Variants in NRXN3 observed in about 807,000 individuals in gnomAD.
The protein encoded by NRXN3 is neurexin 3.
In NRXN3, 32 loss-of-function variants were observed where a neutral mutation model predicts 137.6. The ratio of observed to expected loss-of-function variants is 0.23; its 90% CI spans 0.18 to 0.31. NRXN3 has a LOEUF of 0.31. Among genes scored for constraint, NRXN3 ranks in the 10% least tolerant of loss-of-function variants. The pLI, the probability that NRXN3 is intolerant of heterozygous loss-of-function variation, is 1.00. For synonymous variants in NRXN3, 798 were observed against 784.5 expected (o/e 1.02, Z -0.29); for missense variants, 1,574 against 2,062.5 (o/e 0.76, Z 4.59).
chr14:79,808,319 A>G (rs1250471901), intron 20 of NRXN3, among the ~76,000 whole-genome samples: 1 of 150,982 alleles, frequency 6.6e-6, no homozygotes, highest in Non-Finnish European at 1.5e-5. Flanking sequence ...TTTTCCAAAA[A>G]CAATACAGAT....
chr14:78,371,159 A>G (rs141399872), intron 4 of NRXN3, among the ~76,000 whole-genome samples: 167 of 152,138 alleles, frequency 1.1e-3, no homozygotes, highest in African/African-American at 4.0e-3. Flanking sequence ...CCCAAATGCT[A>G]CCTTTTTGGC....
intron 10 of NRXN3, among the ~76,000 whole-genome samples, chr14:78,841,928 C>A (rs113106675): frequency 6.6e-6 from 1 of 152,080 alleles, no homozygotes; most frequent in African/African-American, 2.4e-5. Flanking sequence ...ATAATGATAG[C>A]ACCCATCTTT....
chr14:79,510,751 A>G (rs2096925080), intron 16 of NRXN3, among the ~76,000 whole-genome samples: 1 of 152,210 alleles, frequency 6.6e-6, no homozygotes, highest in Admixed American at 6.5e-5. Context: ...GAATCTCTTC[A>G]AACAGCTTTC....
intron 15 of NRXN3, among the ~76,000 whole-genome samples, chr14:79,412,779 T>C (rs1304772598): frequency 1.9e-5 from 1 of 53,494 alleles, no homozygotes; most frequent in East Asian, 4.5e-4. Flanking sequence ...CAAGACTCTG[T>C]CTCAAAAAAA....
chr14:78,971,855 C>T (rs904539033), intron 14 of NRXN3, among the ~76,000 whole-genome samples: 12 of 152,158 alleles, frequency 7.9e-5, no homozygotes, highest in East Asian at 3.9e-4. Context: ...AGGCTGGTCT[C>T]GACCTCTTGA....
At chr14:79,128,523 A>G (rs1378372865) in intron 15 of NRXN3, among the ~76,000 whole-genome samples, 1 of 151,354 alleles carries the variant, frequency 6.6e-6, no homozygotes, top group Non-Finnish European at 1.5e-5. Flanking sequence ...CCCAGGGATG[A>G]AGCCCACTTG....
intron 16 of NRXN3, among the ~76,000 whole-genome samples, chr14:79,659,807 T>TTA (rs1453705926): frequency 6.6e-6 from 1 of 152,186 alleles, no homozygotes; most frequent in Non-Finnish European, 1.5e-5. Flanking sequence ...GCCATCGCTG[T>TTA]TATTTGAACC....
Position 78,309,929 on chromosome 14 carries a change from G to C in NRXN3, c.757+12069G>C, listed in dbSNP as rs1049528457. Among the ~76,000 whole-genome samples the C allele has an allele frequency of 2.6e-5, 4 of 152,038 alleles. No homozygotes were observed. In the East Asian group the frequency reaches 5.8e-4, roughly 22 times the overall value. The stretch of plus-strand genomic sequence containing the variant: ...TGATTGGGAATAGTTTTTTTGGAAG[G>C]GTTCGTTTAAATAGGGAAATTACTG... On this transcript the variant is annotated intron_variant, in intron 4 of 20. Coordinates refer to ENST00000335750, the MANE Select transcript of NRXN3 (RefSeq NM_001330195.2).
At chr14:79,016,385 C>T (rs937910523) in intron 15 of NRXN3, among the ~76,000 whole-genome samples, 2 of 152,134 alleles carry the variant, frequency 1.3e-5, no homozygotes, top group African/African-American at 4.8e-5. Context: ...GCATCTTGTG[C>T]AAGGGAAATC....
chr14:79,842,749 A>AAGAGTAGCC (rs1402286056), intron 20 of NRXN3, among the ~76,000 whole-genome samples: 1 of 152,192 alleles, frequency 6.6e-6, no homozygotes, highest in Non-Finnish European at 1.5e-5. Context: ...CCCTTATGTC[A>AAGAGTAGCC]AGAGTAGCCA....
At chr14:78,394,870 G>A (rs1004870757) in intron 4 of NRXN3, among the ~76,000 whole-genome samples, 26 of 151,680 alleles carry the variant, frequency 1.7e-4, no homozygotes, top group African/African-American at 6.3e-4. Flanking sequence ...ATTTATGTAT[G>A]TATTCCTTTA....
chr14:79,594,558 A>G (rs1809394186), intron 16 of NRXN3, among the ~76,000 whole-genome samples: 2 of 152,202 alleles, frequency 1.3e-5, no homozygotes, highest in African/African-American at 4.8e-5. Flanking sequence ...GCCTAAGAAG[A>G]AAGTCCAGAA....
At chr14:79,817,027 C>T (rs919779562) in intron 20 of NRXN3, among the ~76,000 whole-genome samples, 2 of 151,996 alleles carry the variant, frequency 1.3e-5, no homozygotes, top group African/African-American at 2.4e-5. Flanking sequence ...CAGTATTTTG[C>T]TTTAATTTGG....
At chr14:79,051,026 T>G (rs2099641075) in intron 15 of NRXN3, among the ~76,000 whole-genome samples, 1 of 152,202 alleles carries the variant, frequency 6.6e-6, no homozygotes, top group African/African-American at 2.4e-5. Flanking sequence ...TATGAGGGGA[T>G]ACTATTGTTA....
intron 6 of NRXN3, among the ~76,000 whole-genome samples, chr14:78,655,560 T>C (rs1441717719): frequency 6.6e-6 from 1 of 152,206 alleles, no homozygotes; most frequent in African/African-American, 2.4e-5. Flanking sequence ...TTTGACACTA[T>C]GTTTTCCTTT....
intron 19 of NRXN3, among the ~76,000 whole-genome samples, chr14:79,702,653 A>C (rs1462018770): frequency 6.6e-6 from 1 of 152,026 alleles, no homozygotes; most frequent in Non-Finnish European, 1.5e-5. Flanking sequence ...TCTTGGCCTG[A>C]AACTTTGCCA....
chr14:78,187,815 G>A (rs1038871556), intron 1 of NRXN3, among the ~76,000 whole-genome samples: 1 of 145,314 alleles, frequency 6.9e-6, no homozygotes, highest in African/African-American at 2.6e-5. Flanking sequence ...GGGTGGGGAT[G>A]TGGGATAGGT....
intron 15 of NRXN3, among the ~76,000 whole-genome samples, chr14:79,128,787 G>T (rs1295312585): frequency 6.6e-6 from 1 of 152,044 alleles, no homozygotes; most frequent in Non-Finnish European, 1.5e-5. Flanking sequence ...GTAGAATTCG[G>T]CTGTGAATCC....
At chr14:79,757,317 G>C (rs2099023097) in intron 19 of NRXN3, among the ~76,000 whole-genome samples, 1 of 152,158 alleles carries the variant, frequency 6.6e-6, no homozygotes, top group Admixed American at 6.6e-5. Flanking sequence ...ATTGATGTCA[G>C]AACAACTAGG....
Sources: gnomAD v4.1 joint callset for allele counts (sites outside exome capture counted in the v4.1 genomes callset) on GRCh38, gnomAD v4.1.1 for gene constraint, MANE v1.5 for transcripts, NCBI Gene and HGNC (gene_info 2026-07-23, HGNC 2026-07-21) for gene names.